The following ZFHX3 variants were observed in gnomAD, a reference collection of about 807,000 sequenced individuals.
ZFHX3 encodes the protein zinc finger homeobox protein 3.
ZFHX3 carries 42 observed loss-of-function variants against 279.1 expected under a neutral mutation model. The observed-to-expected ratio is 0.15, with a 90% CI of 0.12 to 0.19. The LOEUF (loss-of-function observed/expected upper bound fraction) is 0.19. Ranked by LOEUF, ZFHX3 falls within the 10% of genes least tolerant of loss-of-function variation. ZFHX3 has a pLI of 1.00. For synonymous variants in ZFHX3, 2,293 were observed against 1,957.8 expected, an observed-to-expected ratio of 1.17 and a Z score of -4.52; for missense variants, 4,981 against 4,754.0, an observed-to-expected ratio of 1.05 and a Z score of -1.40.
At chr16:73,887,055 C>T (rs2030370340) in intron 1 of ZFHX3, among the ~76,000 whole-genome samples, 1 of 152,268 alleles carries the variant, frequency 6.6e-6, no homozygotes, top group Admixed American at 6.5e-5. Context: ...CATATGGTCA[C>T]CTGAGTTGTT....
chr16:73,261,752 C>T (rs900067796), intron 4 of ZFHX3, among the ~76,000 whole-genome samples: 106 of 147,552 alleles, frequency 7.2e-4, no homozygotes, highest in African/African-American at 1.6e-3. Context: ...CTCGGCTCAC[C>T]GCAACTTCCG....
chr16:73,519,355 A>T (rs1014620747), intron 2 of ZFHX3, among the ~76,000 whole-genome samples: 53 of 152,310 alleles, frequency 3.5e-4, no homozygotes, highest in African/African-American at 1.2e-3. Flanking sequence ...ATAAATTTTT[A>T]AAATGTTTTT....
chr16:73,102,820 G>A (rs1022063203), intron 7 of ZFHX3, among the ~76,000 whole-genome samples: 1 of 152,158 alleles, frequency 6.6e-6, no homozygotes, highest in Non-Finnish European at 1.5e-5. Flanking sequence ...TTGTTATAAA[G>A]GTCAAAAGAG....
chr16:73,342,094 T>C (rs916591841), intron 3 of ZFHX3, among the ~76,000 whole-genome samples: 1 of 145,790 alleles, frequency 6.9e-6, no homozygotes, highest in African/African-American at 2.7e-5. Flanking sequence ...CATAAAGTGG[T>C]TTTTGAAAAA....
In ZFHX3 at chr16:72,795,969, T is replaced by C. The variant is rs758984806; in HGVS notation, c.6713A>G (p.Tyr2238Cys). 6.2e-7 allele frequency: 1 copy of C among 1,614,188 alleles called. No individual in the cohort carries two copies. Among genetic ancestry groups the C allele is most frequent in the Non-Finnish European group, 8.5e-7 (1 of 1,180,034 alleles). Residue 2238 changes from tyrosine (Y) to cysteine (C), a missense_variant, in exon 9 of 10, where the codon TAC becomes TGC. Tyr to Cys is a radical substitution (Grantham distance 194). This residue lies in a region of ZFHX3 where 177 missense variants were observed against 244.2 expected (regional missense o/e 0.72). Coordinates refer to ENST00000268489, the MANE Select transcript of ZFHX3 (RefSeq NM_006885.4). ...PPSPEPPKQEYWGSKRSSRTR... is the reference protein window; with the variant it reads ...PPSPEPPKQECWGSKRSSRTR... ...TCTTGAAGACCTCTTGCTTCCCCAG[T>C]ACTCCTGCTTTGGAGGTTCCGGCGA... is the stretch of plus-strand genomic sequence containing the variant.
At chr16:72,869,573 C>T (rs1355904471) in intron 4 of ZFHX3, among the ~76,000 whole-genome samples, 2 of 130,748 alleles carry the variant, frequency 1.5e-5, no homozygotes, top group East Asian at 4.1e-4. Flanking sequence ...TGATCAGTGA[C>T]ATTTTAGAAA....
chr16:72,822,794 AGTTT>A (rs2036829040), intron 5 of ZFHX3, among the ~76,000 whole-genome samples: 2 of 110,524 alleles, frequency 1.8e-5, no homozygotes, highest in Admixed American at 9.5e-5. Context: ...CTAGAAAGTG[AGTTT>A]TTTTTTTTTT....
At chr16:72,844,733 G>A (rs2037434504) in intron 4 of ZFHX3, among the ~76,000 whole-genome samples, 1 of 152,044 alleles carries the variant, frequency 6.6e-6, no homozygotes, top group Non-Finnish European at 1.5e-5. Context: ...GCGGTTTTTG[G>A]TTTAGTTTTA....
chr16:73,087,362 C>CA (rs1966022159), intron 8 of ZFHX3, among the ~76,000 whole-genome samples: 1 of 152,172 alleles, frequency 6.6e-6, no homozygotes, highest in Non-Finnish European at 1.5e-5. Flanking sequence ...AGCGGGACAA[C>CA]AAGAGGTACA....
chr16:73,166,320 G>A (rs948022015), intron 5 of ZFHX3, among the ~76,000 whole-genome samples: 1 of 152,172 alleles, frequency 6.6e-6, no homozygotes, highest in African/African-American at 2.4e-5. Flanking sequence ...CCCTCTAAAA[G>A]GAAGAGATTC....
At chr16:73,831,491 T>C (rs955998321) in intron 1 of ZFHX3, among the ~76,000 whole-genome samples, 1 of 151,006 alleles carries the variant, frequency 6.6e-6, no homozygotes, top group African/African-American at 2.4e-5. Flanking sequence ...GATGAGTATC[T>C]ACAGCACTCA....
At chr16:73,572,139 A>G (rs2143807951) in intron 2 of ZFHX3, among the ~76,000 whole-genome samples, 1 of 150,256 alleles carries the variant, frequency 6.7e-6, no homozygotes, top group African/African-American at 2.4e-5. Context: ...AACCGAAAGC[A>G]TCAAATGGAT....
chr16:73,074,118 A>T (rs1476771322), intron 8 of ZFHX3, among the ~76,000 whole-genome samples: 5 of 152,250 alleles, frequency 3.3e-5, no homozygotes, highest in Admixed American at 1.3e-4. Flanking sequence ...AATCATACAA[A>T]GCAACCAACC....
At chr16:73,186,634 T>A (rs773394689) in intron 5 of ZFHX3, among the ~76,000 whole-genome samples, 1 of 151,614 alleles carries the variant, frequency 6.6e-6, no homozygotes, top group African/African-American at 2.4e-5. Context: ...CTTTTCTTCA[T>A]GAAAAACATA....
At chr16:73,127,143 A>T in intron 7 of ZFHX3, 1 of 329,458 alleles carries the variant, frequency 3.0e-6, no homozygotes, top group Non-Finnish European at 5.9e-6. Flanking sequence ...GTTTATCTCA[A>T]GTCATTGCCT....
intron 3 of ZFHX3, among the ~76,000 whole-genome samples, chr16:73,369,365 C>T (rs2016582291): frequency 6.6e-6 from 1 of 152,194 alleles, no homozygotes; most frequent in Non-Finnish European, 1.5e-5. Context: ...GATGGCAGCG[C>T]ACTGAACCGA....
At chr16:73,067,047 C>T (rs1965764209) in intron 8 of ZFHX3, among the ~76,000 whole-genome samples, 2 of 152,110 alleles carry the variant, frequency 1.3e-5, no homozygotes, top group African/African-American at 4.8e-5. Context: ...GGAGAACCCC[C>T]GGGGCCCTGC....
At chr16:72,831,474 C>CTA (rs1227777893) in intron 4 of ZFHX3, among the ~76,000 whole-genome samples, 1 of 152,188 alleles carries the variant, frequency 6.6e-6, no homozygotes, top group African/African-American at 2.4e-5. Context: ...TTTCCCTACC[C>CTA]TACCCTTAGT....
At chr16:73,627,172 G>C (rs1336644552) in intron 2 of ZFHX3, among the ~76,000 whole-genome samples, 3 of 152,164 alleles carry the variant, frequency 2.0e-5, no homozygotes, top group Non-Finnish European at 4.4e-5. Context: ...TAAAGGGCAA[G>C]AGTCATGCAA....
Sources: allele counts gnomAD v4.1 joint callset (sites outside exome capture counted in the v4.1 genomes callset), GRCh38; gene constraint gnomAD v4.1.1; regional missense constraint gnomAD v4.1.1; transcripts MANE v1.5; gene names NCBI Gene and HGNC (gene_info 2026-07-23, HGNC 2026-07-21).